The following CAPN13 variants were observed in gnomAD, a reference collection of about 807,000 sequenced individuals.
CAPN13 encodes calpain 13, also known as calpain-13.
In CAPN13, 90 loss-of-function variants were observed where a neutral mutation model predicts 98.4. The ratio of observed to expected loss-of-function variants is 0.92; its 90% CI spans 0.77 to 1.09. CAPN13 has a LOEUF of 1.09. CAPN13 is among the 50% of genes least tolerant of loss of function. CAPN13 has a pLI of 0.00. For synonymous variants in CAPN13, 330 were observed against 305.5 expected, an observed-to-expected ratio of 1.08 and a Z score of -0.84; for missense variants, 887 against 841.3, an observed-to-expected ratio of 1.05 and a Z score of -0.67.
Position 30,742,331 on chromosome 2 carries a change from T to C in CAPN13, c.1474A>G (p.Met492Val). 1 of 1,604,224 alleles carries C rather than the reference T, an allele frequency of 6.2e-7. No individual in the cohort carries two copies. The highest frequency in any genetic ancestry group is 8.5e-7 in the Non-Finnish European group (1 of 1,175,318). The change falls in exon 14 of 23, where the codon ATG becomes GTG. Residue 492 changes from methionine to valine, a missense_variant. Coordinates refer to ENST00000295055, the MANE Select transcript of CAPN13 (RefSeq NM_144575.3). ...RHLSSHFNLR[M>V]KGSPSEHGSQ... ...AAACCTTGCTGCATACCTACCTTCA[T>C]TCTGAGGTTGAAATGGCTGCTCAGG...
intron 1 of CAPN13, among the ~76,000 whole-genome samples, chr2:30,796,179 T>C (rs1674857857): frequency 6.8e-6 from 1 of 146,278 alleles, no homozygotes. Flanking sequence ...TGTGTATATA[T>C]ATATACATAT....
chr2:30,767,221 G>T (rs768411220), intron 5 of CAPN13, among the ~76,000 whole-genome samples: 1 of 152,100 alleles, frequency 6.6e-6, no homozygotes, highest in East Asian at 1.9e-4. Context: ...GCTCACAGAC[G>T]TCCTCTCTGG....
chr2:30,753,164 C>T lies in CAPN13; in HGVS notation c.976G>A (p.Ala326Thr), dbSNP rs370602522. 9.9e-6 allele frequency: 16 copies of T among 1,613,842 alleles called. No homozygotes were observed. Among genetic ancestry groups the T allele is most frequent in the East Asian group, 6.7e-5 (3 of 44,898 alleles). The change falls in exon 10 of 23, where the codon GCC (alanine) becomes ACC (threonine). Residue 326 changes from alanine to threonine, a missense_variant. Transcript: ENST00000295055. Reference protein sequence around the residue: ...SCQDFQQKFIAMFICSEIPIT... With the variant: ...SCQDFQQKFITMFICSEIPIT... ...GGAATTTCGCTACATATAAACATGG[C>T]GATGAATTTCTGTTGGAAATCTTGA...
intron 19 of CAPN13, among the ~76,000 whole-genome samples, chr2:30,733,815 T>A (rs1246406426): frequency 6.6e-6 from 1 of 152,190 alleles, no homozygotes; most frequent in Non-Finnish European, 1.5e-5. Flanking sequence ...AGGTAGCCAT[T>A]TCCTTGTGCA....
intron 11 of CAPN13, among the ~76,000 whole-genome samples, chr2:30,748,955 T>C (rs1002265336): frequency 6.6e-6 from 1 of 152,038 alleles, no homozygotes; most frequent in Non-Finnish European, 1.5e-5. Context: ...GAGCCATGAG[T>C]ATCACCAGAA....
At chr2:30,732,803 T>C (rs1001692172) in intron 19 of CAPN13, among the ~76,000 whole-genome samples, 5 of 152,146 alleles carry the variant, frequency 3.3e-5, no homozygotes, top group African/African-American at 4.8e-5. Flanking sequence ...TGGAGATACA[T>C]TGGCCTTCAC....
chr2:30,800,406 C>A (rs1177524538), intron 1 of CAPN13, among the ~76,000 whole-genome samples: 1 of 152,222 alleles, frequency 6.6e-6, no homozygotes, highest in Non-Finnish European at 1.5e-5. Context: ...TGTGTGGACC[C>A]AGCCTCTTCC....
At chr2:30,763,876 T>C (rs965653183) in intron 6 of CAPN13, among the ~76,000 whole-genome samples, 16 of 152,198 alleles carry the variant, frequency 1.1e-4, no homozygotes, top group Non-Finnish European at 2.4e-4. Flanking sequence ...GTCGAGCCAC[T>C]TATGAGCTGT....
At chr2:30,798,004 T>G (rs1341590331) in intron 1 of CAPN13, among the ~76,000 whole-genome samples, 2 of 152,170 alleles carry the variant, frequency 1.3e-5, no homozygotes, top group Non-Finnish European at 2.9e-5. Flanking sequence ...AGGAAGAACA[T>G]GTGATCTGTG....
chr2:30,798,216 A>G (rs1414131497), intron 1 of CAPN13, among the ~76,000 whole-genome samples: 1 of 152,266 alleles, frequency 6.6e-6, no homozygotes, highest in East Asian at 1.9e-4. Context: ...TTGCATTTAA[A>G]TGTAAATATT....
Position 30,787,259 on chromosome 2 carries a change from T to C in CAPN13, c.67A>G (p.Thr23Ala), listed in dbSNP as rs1674339255. ...IIKFKDQDFT[T>A]LRDHCLSMGR... ...ATGCTCAGGCAGTGATCCCGCAAGGTGGTAAAGTCCTGGTCTTTGAACTTG... is the reference window on the plus strand; with the variant it reads ...ATGCTCAGGCAGTGATCCCGCAAGGCGGTAAAGTCCTGGTCTTTGAACTTG... Residue 23 changes from threonine to alanine, a missense_variant, in exon 2 of 23, where the codon ACC (threonine) becomes GCC (alanine). By Grantham distance (58) the Thr-to-Ala change is moderately conservative. Transcript: ENST00000295055. The C allele has an allele frequency of 6.2e-7, 1 of 1,613,218 alleles. No homozygotes were observed. The highest frequency in any genetic ancestry group is 8.5e-7 in the Non-Finnish European group (1 of 1,179,688).
intron 11 of CAPN13, among the ~76,000 whole-genome samples, chr2:30,746,166 G>A (rs1386631259): frequency 6.6e-6 from 1 of 151,994 alleles, no homozygotes. Context: ...CAAAATCCTG[G>A]GGTTATAGGC....
intron 12 of CAPN13, 134 bp from the exon 13 acceptor site, chr2:30,743,713 C>G: frequency 3.8e-6 from 3 of 797,926 alleles, no homozygotes; most frequent in Non-Finnish European, 6.4e-6. Context: ...TAAATGGAGA[C>G]AGTGCTCAGC....
chr2:30,785,202 A>G (rs566728248), intron 2 of CAPN13, among the ~76,000 whole-genome samples: 1 of 152,302 alleles, frequency 6.6e-6, no homozygotes, highest in Non-Finnish European at 1.5e-5. Context: ...CAGTGGGGGG[A>G]AAGTGCAGCA....
intron 17 of CAPN13, 80 bp from the exon 18 acceptor site, chr2:30,736,651 G>A (rs549402258): frequency 1.5e-6 from 2 of 1,317,384 alleles, no homozygotes; most frequent in Non-Finnish European, 2.2e-6. Context: ...GCCAGAGCAG[G>A]CCCATTCATC....
chr2:30,745,400 C>G, intron 12 of CAPN13: 1 of 525,240 alleles, frequency 1.9e-6, no homozygotes, highest in South Asian at 1.7e-5. Flanking sequence ...TTCCAAGGTA[C>G]CCCTTAGTGC....
chr2:30,751,008 C>T (rs1558307296), intron 11 of CAPN13, 95 bp downstream of exon 11: 1 of 1,355,006 alleles, frequency 7.4e-7, no homozygotes, highest in Non-Finnish European at 1.0e-6. Flanking sequence ...GGCTGTGGTG[C>T]AGTCAAATCT....
chr2:30,761,533 G>C (rs115533233), intron 7 of CAPN13, among the ~76,000 whole-genome samples: 2 of 152,048 alleles, frequency 1.3e-5, no homozygotes, highest in Non-Finnish European at 2.9e-5. Flanking sequence ...TGGACCTCTG[G>C]GTACACGAAT....
At chr2:30,802,455 G>GTGTGTGTA (rs1675335435) in intron 1 of CAPN13, among the ~76,000 whole-genome samples, 2 of 126,608 alleles carry the variant, frequency 1.6e-5, no homozygotes, top group African/African-American at 6.1e-5. Flanking sequence ...TAGAATGTGT[G>GTGTGTGTA]TGTGTGTATG....
Sources: allele counts gnomAD v4.1 joint callset (sites outside exome capture counted in the v4.1 genomes callset), GRCh38; gene constraint gnomAD v4.1.1; transcripts MANE v1.5; gene names NCBI Gene and HGNC (gene_info 2026-07-23, HGNC 2026-07-21).